Variants in ADRA1B observed in about 807,000 individuals in gnomAD.
ADRA1B encodes the protein alpha-1B adrenergic receptor.
Under a neutral mutation model 17.9 loss-of-function variants are expected in ADRA1B, and 17 were observed. The observed-to-expected ratio is 0.95, with a 90% CI of 0.65 to 1.42. ADRA1B has a LOEUF of 1.42. Ranked by LOEUF, ADRA1B falls within the 40% of genes most tolerant of loss-of-function variation. ADRA1B has a pLI of 0.00. For synonymous variants in ADRA1B, 366 were observed against 327.6 expected, an observed-to-expected ratio of 1.12 and a Z score of -1.27; for missense variants, 681 against 722.1, an observed-to-expected ratio of 0.94 and a Z score of 0.65.
At chr5:159,921,024 G>T (rs912994568) in intron 1 of ADRA1B, among the ~76,000 whole-genome samples, 4 of 152,204 alleles carry the variant, frequency 2.6e-5, no homozygotes, top group African/African-American at 9.7e-5. Flanking sequence ...GGGAGAGAAG[G>T]GTTGGGATCT....
At chr5:159,923,741 G>C (rs1447757241) in intron 1 of ADRA1B, among the ~76,000 whole-genome samples, 1 of 152,280 alleles carries the variant, frequency 6.6e-6, no homozygotes, top group Non-Finnish European at 1.5e-5. Context: ...GGAGGGGGCT[G>C]TTTTTAAAAG....
At chr5:159,980,131 G>T in the ADRA1B span, among the ~76,000 whole-genome samples, 1 of 152,034 alleles carries the variant, frequency 6.6e-6, no homozygotes, top group Admixed American at 6.5e-5. Flanking sequence ...TAGGAGGGTG[G>T]TTAGGGGGCC....
In ADRA1B at chr5:159,971,910, C is replaced by G. The variant is rs762535548; in HGVS notation, c.981C>G (p.Asp327Glu). The G allele has an allele frequency of 2.4e-6, 3 of 1,229,914 alleles. No individual in the cohort carries two copies. Among genetic ancestry groups the G allele is most frequent in the Non-Finnish European group, 2.1e-6 (2 of 965,838 alleles). 76.2% of individuals were successfully genotyped at this position (1,229,914 alleles called of 1,614,324 possible). A position where few individuals can be genotyped will look rare whatever the true frequency, so the allele number is the denominator to read the frequency against. ...GSLFSTLKPP[D>E]AVFKVVFWLG... ...TGTTCTCCACCCTGAAGCCCCCCGA[C>G]GCCGTGTTCAAGGTGGTGTTCTGGC... The change falls in exon 2 of 2, where the codon GAC becomes GAG. Residue 327 changes from aspartate to glutamate, a missense_variant. Asp to Glu is a conservative substitution (Grantham distance 45). Transcript: ENST00000306675.
intron 1 of ADRA1B, chr5:159,888,466 A>T (rs1008272627): frequency 6.6e-6 from 1 of 152,096 alleles, no homozygotes; most frequent in Non-Finnish European, 1.5e-5. Flanking sequence ...CTATGTTATA[A>T]ATGTAAAGTA....
In ADRA1B at chr5:159,972,212, C is replaced by G. The variant is rs1755885953; in HGVS notation, c.1283C>G (p.Pro428Arg). 1.5e-6 allele frequency: 2 copies of G among 1,335,456 alleles called. No homozygotes were observed. Among genetic ancestry groups the G allele is most frequent in the Middle Eastern group, 2.8e-4 (1 of 3,586 alleles). 82.7% of individuals were successfully genotyped at this position (1,335,456 alleles called of 1,614,324 possible). Residue 428 changes from proline (P) to arginine (R), a missense_variant, in exon 2 of 2, where the codon CCG becomes CGG. Coordinates refer to ENST00000306675, the MANE Select transcript of ADRA1B (RefSeq NM_000679.4). The stretch of plus-strand genomic sequence containing the variant: ...ACCCTGCCCTCGGCCTCGCCGAGCC[C>G]GGGCTACCTGGGCCGCGGCGCGCCA... ...QRTLPSASPS[P>R]GYLGRGAPPP...
intron 1 of ADRA1B, among the ~76,000 whole-genome samples, chr5:159,969,020 T>A (rs1413441146): frequency 2.0e-5 from 3 of 152,220 alleles, no homozygotes; most frequent in Non-Finnish European, 4.4e-5. Flanking sequence ...TCATACACCA[T>A]AGTTGCATTT....
chr5:159,868,004 A>C (rs534563136), intron 1 of ADRA1B: 18 of 152,348 alleles, frequency 1.2e-4, no homozygotes, highest in African/African-American at 4.3e-4. Flanking sequence ...AGAGAGAAGA[A>C]TCATGGCCTC....
At chr5:159,897,115 G>A (rs1333057543) in intron 1 of ADRA1B, among the ~76,000 whole-genome samples, 1 of 152,184 alleles carries the variant, frequency 6.6e-6, no homozygotes, top group Non-Finnish European at 1.5e-5. Flanking sequence ...GAGCTGGGAG[G>A]AAAATGCAGC....
chr5:159,968,461 A>G (rs1755812983), intron 1 of ADRA1B, among the ~76,000 whole-genome samples: 1 of 152,102 alleles, frequency 6.6e-6, no homozygotes, highest in African/African-American at 2.4e-5. Context: ...GCACCAAACA[A>G]AGTTATAATT....
intron 1 of ADRA1B, chr5:159,955,095 G>A: frequency 1.1e-6 from 1 of 940,594 alleles, no homozygotes; most frequent in Non-Finnish European, 1.3e-6. Flanking sequence ...TATTTATGAT[G>A]CCAGGCAATG....
intron 1 of ADRA1B, among the ~76,000 whole-genome samples, chr5:159,933,443 A>G (rs927820996): frequency 3.9e-5 from 6 of 152,212 alleles, no homozygotes; most frequent in Non-Finnish European, 8.8e-5. Context: ...GTCTGTTTCA[A>G]CATTGATGAA....
chr5:159,939,304 TGTGTGTGTGTGTGTGTGTGCGC>T (rs1166979428), intron 1 of ADRA1B, among the ~76,000 whole-genome samples: 33 of 141,986 alleles, frequency 2.3e-4, no homozygotes, highest in African/African-American at 8.4e-4. Context: ...TGTGTGTGTG[TGTGTGTGTGTGTGTGTGTGCGC>T]GCGCGCGCGC....
At chr5:159,974,528 C>T (rs374565494), downstream of ADRA1B, among the ~76,000 whole-genome samples, 1 of 151,394 alleles carries the variant, frequency 6.6e-6, no homozygotes, top group Non-Finnish European at 1.5e-5. Flanking sequence ...CCCAGCTATT[C>T]GGGAGGCTGA....
At chr5:159,979,427 C>G in the ADRA1B span, among the ~76,000 whole-genome samples, 10 of 152,184 alleles carry the variant, frequency 6.6e-5, no homozygotes, top group Non-Finnish European at 1.3e-4. Context: ...AGTACAGTAC[C>G]TGGCACATGG....
chr5:159,917,474 A>G lies in ADRA1B; in HGVS notation c.569A>G (p.Asn190Ser), dbSNP rs1441064105. ...CTTGGGTGGAAGGAGCCGGCACCCAACGATGACAAGGAGTGCGGGGTCACC... is the reference window on the plus strand; with the variant it reads ...CTTGGGTGGAAGGAGCCGGCACCCAGCGATGACAAGGAGTGCGGGGTCACC... ...PLLGWKEPAP[N>S]DDKECGVTEE... The change falls in exon 1 of 2, where the codon AAC becomes AGC. Residue 190 changes from asparagine (N) to serine (S), a missense_variant. By Grantham distance (46) the Asn-to-Ser change is conservative. This residue lies in a region of ADRA1B where 424 missense variants were observed against 480.2 expected (regional missense o/e 0.88). Transcript: ENST00000306675. 6.2e-7 allele frequency: 1 copy of G among 1,614,146 alleles called. No homozygotes were observed. The highest frequency in any genetic ancestry group is 1.7e-5 in the Admixed American group (1 of 60,024).
At chr5:159,905,490 C>T (rs933111324) in intron 1 of ADRA1B, among the ~76,000 whole-genome samples, 3 of 152,244 alleles carry the variant, frequency 2.0e-5, no homozygotes, top group Non-Finnish European at 4.4e-5. Context: ...TGAGATCAAA[C>T]TGTCCTTTTC....
rs1159293154 is a variant in ADRA1B at position 159,916,909 on chromosome 5, A to T, written c.4A>T (p.Asn2Tyr). 6.2e-7 allele frequency: 1 copy of T among 1,609,058 alleles called. No individual in the cohort carries two copies. The highest frequency in any genetic ancestry group is 1.1e-5 in the South Asian group (1 of 90,190). Residue 2 changes from asparagine to tyrosine, a missense_variant, in exon 1 of 2, where the codon AAT (asparagine) becomes TAT (tyrosine). Around this residue, in one of 3 missense-constraint regions of ADRA1B, gnomAD observed 424 missense variants for 480.2 expected, o/e 0.88. Transcript: ENST00000306675. M[N>Y]PDLDTGHNTS... ...GCTATGGAGGGCGGACTCTAAGATGAATCCCGACCTGGACACCGGCCACAA... is the reference window on the plus strand; with the variant it reads ...GCTATGGAGGGCGGACTCTAAGATGTATCCCGACCTGGACACCGGCCACAA...
At chr5:159,946,048 G>A (rs1320143606) in intron 1 of ADRA1B, among the ~76,000 whole-genome samples, 3 of 152,092 alleles carry the variant, frequency 2.0e-5, no homozygotes, top group Admixed American at 6.5e-5. Flanking sequence ...CGCCCAGCCC[G>A]ATTTCTGTTT....
chr5:159,939,491 A>G (rs1330061359), intron 1 of ADRA1B, among the ~76,000 whole-genome samples: 1 of 152,054 alleles, frequency 6.6e-6, no homozygotes, highest in Non-Finnish European at 1.5e-5. Context: ...GTGACAGAAA[A>G]GACTCTTCAC....
Sources: gnomAD v4.1 joint callset for allele counts (sites outside exome capture counted in the v4.1 genomes callset) on GRCh38, gnomAD v4.1.1 for gene constraint, gnomAD v4.1.1 regional missense constraint, MANE v1.5 for transcripts, NCBI Gene and HGNC (gene_info 2026-07-23, HGNC 2026-07-21) for gene names.